ZFHX3: variants seen among roughly 807,000 people sequenced by gnomAD.
ZFHX3 encodes zinc finger homeobox protein 3.
A neutral mutation model predicts 279.1 loss-of-function variants in ZFHX3; 42 were observed. That is an observed-to-expected ratio of 0.15 (90% CI 0.12 to 0.19). The LOEUF (loss-of-function observed/expected upper bound fraction) is 0.19. Among genes scored for constraint, ZFHX3 ranks in the 10% least tolerant of loss-of-function variants. The probability of loss-of-function intolerance (pLI) is 1.00; values close to 1 mark genes in which losing one functional copy is unlikely to be tolerated. For synonymous variants in ZFHX3, 2,293 were observed against 1,957.8 expected, an observed-to-expected ratio of 1.17 and a Z score of -4.52; for missense variants, 4,981 against 4,754.0, an observed-to-expected ratio of 1.05 and a Z score of -1.40.
At position 73,276,246 on chromosome 16, in the gene ZFHX3, C is replaced by T. The variant is rs149360050; in HGVS notation, c.-1193-19110G>A. 1.5e-3 allele frequency among the ~76,000 whole-genome samples: 227 copies of T among 149,354 alleles called. 6 individuals carry two copies. The East Asian group carries it at 0.036, about 24-fold the overall frequency. ...TTACCCAGGCTGGAGTGCAATGGTG[C>T]GATCTCAGCTCACTGCAACCTCCAC... On this transcript the variant is annotated intron_variant, in intron 4 of 17. Coordinates refer to the ZFHX3 transcript ENST00000641206.
chr16:73,525,874 C>T (rs565920976), intron 2 of ZFHX3, among the ~76,000 whole-genome samples: 16 of 152,228 alleles, frequency 1.1e-4, no homozygotes, highest in Non-Finnish European at 1.6e-4. Flanking sequence ...TCAGCAGAGG[C>T]GAAAGCAGTG....
At chr16:73,345,439 C>T (rs1035379044) in intron 3 of ZFHX3, among the ~76,000 whole-genome samples, 7 of 143,638 alleles carry the variant, frequency 4.9e-5, no homozygotes, top group East Asian at 2.3e-4. Context: ...CCCCTCCCTG[C>T]GTACATGTGT....
At chr16:73,627,442 GCA>G (rs1411888280) in intron 2 of ZFHX3, among the ~76,000 whole-genome samples, 1 of 152,182 alleles carries the variant, frequency 6.6e-6, no homozygotes, top group Non-Finnish European at 1.5e-5. Context: ...AAAGTTTGAG[GCA>G]CAGAGACAGG....
At chr16:73,081,317 A>G (rs968631693) in intron 8 of ZFHX3, 1 of 151,348 alleles carries the variant, frequency 6.6e-6, no homozygotes, top group African/African-American at 2.4e-5. Context: ...CAATGGCACA[A>G]TCTCTGCTCT....
At chr16:73,802,639 T>A (rs946086679) in intron 1 of ZFHX3, among the ~76,000 whole-genome samples, 6 of 152,172 alleles carry the variant, frequency 3.9e-5, no homozygotes, top group African/African-American at 1.4e-4. Context: ...TGTCACACTG[T>A]AGGCACAAAG....
chr16:73,601,051 A>G (rs562534308), intron 2 of ZFHX3, among the ~76,000 whole-genome samples: 112 of 152,096 alleles, frequency 7.4e-4, no homozygotes, highest in Admixed American at 7.3e-3. Context: ...ATTAGCAAAT[A>G]CATTTCCAGT....
At chr16:73,418,362 C>A (rs1239674377) in intron 3 of ZFHX3, among the ~76,000 whole-genome samples, 3 of 152,116 alleles carry the variant, frequency 2.0e-5, no homozygotes, top group Non-Finnish European at 4.4e-5. Flanking sequence ...AGCTACCTGG[C>A]CCGATCACCT....
intron 4 of ZFHX3, among the ~76,000 whole-genome samples, chr16:73,313,624 T>C (rs991186427): frequency 1.3e-5 from 2 of 152,154 alleles, no homozygotes; most frequent in African/African-American, 4.8e-5. Flanking sequence ...TCAGACTCCA[T>C]AGCGGTATTA....
At chr16:72,809,374 G>T (rs145428959) in intron 7 of ZFHX3, 1 of 152,214 alleles carries the variant, frequency 6.6e-6, no homozygotes, top group Non-Finnish European at 1.5e-5. Context: ...CCATCAGATG[G>T]GAAGTACAAT....
Position 72,787,366 on chromosome 16 carries a change from G to A in ZFHX3, c.10910C>T (p.Ser3637Leu), listed in dbSNP as rs1198448605. 2 of 1,609,380 alleles carry A rather than the reference G, an allele frequency of 1.2e-6. No homozygotes were observed. Among genetic ancestry groups the A allele is most frequent in the Non-Finnish European group, 8.5e-7 (1 of 1,176,614 alleles). The change falls in exon 10 of 10, where the codon TCA becomes TTA. Residue 3637 changes from serine to leucine, a missense_variant. Coordinates refer to ENST00000268489, the MANE Select transcript of ZFHX3 (RefSeq NM_006885.4). Reference protein sequence around the residue: ...AKPPSFPPLSSSSTVTSSSCS... With the variant: ...AKPPSFPPLSLSSTVTSSSCS... The stretch of plus-strand genomic sequence containing the variant: ...TGAACTTGAGGTAACCGTTGAAGAT[G>A]AGGAGAGAGGAGGAAAAGAAGGGGG...
chr16:73,873,841 C>T (rs2029878901), intron 1 of ZFHX3, among the ~76,000 whole-genome samples: 1 of 152,016 alleles, frequency 6.6e-6, no homozygotes, highest in Non-Finnish European at 1.5e-5. Flanking sequence ...GGCAAACATC[C>T]CCACCTGATG....
At chr16:72,906,137 C>T (rs962256400) in intron 3 of ZFHX3, among the ~76,000 whole-genome samples, 7 of 151,906 alleles carry the variant, frequency 4.6e-5, no homozygotes, top group African/African-American at 1.4e-4. Flanking sequence ...CCAAGCAATT[C>T]GATCCAAAGA....
intron 1 of ZFHX3, among the ~76,000 whole-genome samples, chr16:73,865,441 G>T (rs974622421): frequency 6.6e-6 from 1 of 152,160 alleles, no homozygotes; most frequent in Non-Finnish European, 1.5e-5. Context: ...AAGCCTGCAC[G>T]CCATGTGTTC....
intron 1 of ZFHX3, among the ~76,000 whole-genome samples, chr16:73,695,012 C>T (rs937575768): frequency 5.3e-5 from 8 of 152,162 alleles, no homozygotes; most frequent in Admixed American, 3.3e-4. Flanking sequence ...CCAAGCCAGG[C>T]GAGGGTAACT....
chr16:73,439,909 C>CAAAAAAAAAAAAAAAAAAAAAA (rs71156164), intron 3 of ZFHX3, among the ~76,000 whole-genome samples: 1 of 75,444 alleles, frequency 1.3e-5, no homozygotes, highest in Non-Finnish European at 2.2e-5. Context: ...GGGAGAGGGA[C>CAAAAAAAAAAAAAAAAAAAAAA]AAAAAAAAAA....
intron 4 of ZFHX3, among the ~76,000 whole-genome samples, chr16:72,838,381 G>A (rs2037253962): frequency 6.6e-6 from 1 of 152,188 alleles, no homozygotes; most frequent in Admixed American, 6.5e-5. Context: ...GCTGGGCAGA[G>A]TATGGCCCAG....
At chr16:73,566,042 G>C (rs2020446061) in intron 2 of ZFHX3, among the ~76,000 whole-genome samples, 1 of 152,210 alleles carries the variant, frequency 6.6e-6, no homozygotes, top group South Asian at 2.1e-4. Flanking sequence ...TAAGCTTCCT[G>C]CTCATGCAGA....
At chr16:73,188,452 C>T (rs1967961898) in intron 5 of ZFHX3, among the ~76,000 whole-genome samples, 1 of 152,214 alleles carries the variant, frequency 6.6e-6, no homozygotes, top group East Asian at 1.9e-4. Flanking sequence ...CCCCTTTGTC[C>T]TCTCGAGCTG....
At chr16:73,553,608 T>C (rs2020234121) in intron 2 of ZFHX3, among the ~76,000 whole-genome samples, 2 of 152,202 alleles carry the variant, frequency 1.3e-5, no homozygotes, top group African/African-American at 2.4e-5. Context: ...TCACCTCCAA[T>C]GTCACTGGTC....
Sources: allele counts gnomAD v4.1 joint callset (sites outside exome capture counted in the v4.1 genomes callset), GRCh38; gene constraint gnomAD v4.1.1; transcripts MANE v1.5; gene names NCBI Gene and HGNC (gene_info 2026-07-23, HGNC 2026-07-21).